Variants in MTMR2 observed in about 807,000 individuals in gnomAD.
MTMR2 encodes the protein phosphatidylinositol-3,5-bisphosphate 3-phosphatase MTMR2.
Under a neutral mutation model 86.9 loss-of-function variants are expected in MTMR2, and 55 were observed. The observed-to-expected ratio is 0.63, with a 90% CI of 0.51 to 0.79. The LOEUF (loss-of-function observed/expected upper bound fraction) is 0.79. Among genes scored for constraint, MTMR2 ranks in the 30% least tolerant of loss-of-function variants. The probability of loss-of-function intolerance (pLI) is 0.00; values close to 1 mark genes in which losing one functional copy is unlikely to be tolerated. For missense variants in MTMR2, 659 were observed against 772.3 expected, an observed-to-expected ratio of 0.85 and a Z score of 1.74; for synonymous variants, 241 against 266.8, an observed-to-expected ratio of 0.90 and a Z score of 0.94.
chr11:95,904,617 G>C (rs1866188615), intron 1 of MTMR2, among the ~76,000 whole-genome samples: 1 of 152,180 alleles, frequency 6.6e-6, no homozygotes, highest in Admixed American at 6.5e-5. Context: ...TGTCCTTACT[G>C]CTACACTCCC....
intron 2 of MTMR2, among the ~76,000 whole-genome samples, chr11:95,867,931 A>G (rs1308347732): frequency 6.6e-6 from 1 of 152,128 alleles, no homozygotes; most frequent in African/African-American, 2.4e-5. Context: ...TGTATAAGGT[A>G]CTTGGCACAC....
chr11:95,859,755 C>A (rs1401323475), intron 5 of MTMR2, among the ~76,000 whole-genome samples: 2 of 152,154 alleles, frequency 1.3e-5, no homozygotes, highest in Non-Finnish European at 1.5e-5. Flanking sequence ...TTCAAAATAG[C>A]TTTATTATGC....
intron 5 of MTMR2, among the ~76,000 whole-genome samples, chr11:95,859,936 C>T (rs1864347396): frequency 6.6e-6 from 1 of 152,178 alleles, no homozygotes; most frequent in South Asian, 2.1e-4. Flanking sequence ...ATCTTTATAA[C>T]TAGGTGAGAT....
intron 1 of MTMR2, among the ~76,000 whole-genome samples, chr11:95,895,580 A>AT (rs1230251514): frequency 1.3e-5 from 2 of 152,132 alleles, no homozygotes; most frequent in African/African-American, 4.8e-5. Flanking sequence ...CTATAATAAA[A>AT]TTTTTTTAAA....
At chr11:95,874,483 T>C (rs1380623706) in intron 2 of MTMR2, among the ~76,000 whole-genome samples, 2 of 152,178 alleles carry the variant, frequency 1.3e-5, no homozygotes, top group South Asian at 2.1e-4. Flanking sequence ...TGAGCCTATG[T>C]GTGTCTCTGC....
chr11:95,833,356 A>G lies in MTMR2; in HGVS notation c.*1934T>C, dbSNP rs525404. 0.28 allele frequency: 41,930 copies of G among 152,056 alleles called. 7,030 individuals carry two copies. The highest frequency in any genetic ancestry group is 0.38 in the Non-Finnish European group (25,807 of 67,936). 9.4% of individuals were successfully genotyped at this position (152,056 alleles called of 1,614,324 possible). ...ACACCTGCACAACCAATAGACATAC[A>G]AAGTTATGAAACATGTAACTGTCAA... On this transcript the variant is annotated 3_prime_UTR_variant, in exon 15 of 15. Coordinates refer to ENST00000346299, the MANE Select transcript of MTMR2 (RefSeq NM_016156.6).
chr11:95,849,954 T>C, intron 8 of MTMR2, 92 bp from the exon 9 acceptor site: 1 of 1,233,754 alleles, frequency 8.1e-7, no homozygotes, highest in Non-Finnish European at 1.2e-6. Flanking sequence ...GCTTTCTAAT[T>C]GGATCCAAAG....
chr11:95,914,267 T>C, intron 1 of MTMR2: 1 of 969,996 alleles, frequency 1.0e-6, no homozygotes, highest in Non-Finnish European at 1.2e-6. Flanking sequence ...ATGTTTTATC[T>C]TCACTTCTGA....
rs1864460072 is a variant in MTMR2 at position 95,862,384 on chromosome 11, CCA to C, written c.263-20_263-19del. The C allele has an allele frequency of 1.3e-6, 2 of 1,549,866 alleles. No individual in the cohort carries two copies. The highest frequency in any genetic ancestry group is 3.3e-5 in the Admixed American group (2 of 59,750). On this transcript the variant is annotated intron_variant, in intron 3 of 14. Transcript: ENST00000346299. ...ATCTTTGGCTGAAAAAGCAAGAAGTCCACAGTTTACTATACATTATGTGCTAT... is the reference window on the plus strand; with the variant it reads ...ATCTTTGGCTGAAAAAGCAAGAAGTCCAGTTTACTATACATTATGTGCTAT...
intron 12 of MTMR2, among the ~76,000 whole-genome samples, chr11:95,840,381 C>T (rs1189346872): frequency 6.6e-6 from 1 of 151,922 alleles, no homozygotes; most frequent in Admixed American, 6.6e-5. Flanking sequence ...TGTTTTGGGT[C>T]AAACATCCAA....
intron 6 of MTMR2, 100 bp from the exon 7 acceptor site, chr11:95,857,735 G>A: frequency 1.3e-6 from 1 of 755,404 alleles, no homozygotes; most frequent in Non-Finnish European, 2.3e-6. Context: ...TTATTTATCT[G>A]CAAGAACATT....
chr11:95,885,864 A>G (rs986922214), intron 2 of MTMR2, among the ~76,000 whole-genome samples: 1 of 152,134 alleles, frequency 6.6e-6, no homozygotes, highest in African/African-American at 2.4e-5. Context: ...ATCAGCAGTG[A>G]TAAGTCATGT....
chr11:95,904,740 G>C (rs553869), intron 1 of MTMR2, among the ~76,000 whole-genome samples: 91,503 of 152,132 alleles, frequency 0.6, 29,645 homozygotes, highest in African/African-American at 0.86. Flanking sequence ...TATGGAGTAG[G>C]TAGCTATTCT....
intron 7 of MTMR2, among the ~76,000 whole-genome samples, chr11:95,853,092 G>A (rs1372124220): frequency 1.3e-5 from 2 of 148,408 alleles, no homozygotes; most frequent in African/African-American, 2.5e-5. Flanking sequence ...TATAGCACGT[G>A]AAAAATATAT....
intron 1 of MTMR2, among the ~76,000 whole-genome samples, chr11:95,908,734 A>C (rs1383225368): frequency 6.6e-6 from 1 of 152,146 alleles, no homozygotes; most frequent in Admixed American, 6.6e-5. Context: ...AAATGCAAGC[A>C]TTGGGGAAAG....
chr11:95,896,338 C>T (rs1323752600), intron 1 of MTMR2, among the ~76,000 whole-genome samples: 9 of 149,938 alleles, frequency 6.0e-5, no homozygotes, highest in African/African-American at 2.2e-4. Context: ...TTTTTTGAGG[C>T]AGGGTCTTCC....
chr11:95,878,765 A>C (rs774283361), intron 2 of MTMR2, among the ~76,000 whole-genome samples: 1 of 152,162 alleles, frequency 6.6e-6, no homozygotes, highest in Non-Finnish European at 1.5e-5. Context: ...GCTATACTTC[A>C]GACAGTCCTT....
chr11:95,864,064 T>C (rs535412428), intron 3 of MTMR2, among the ~76,000 whole-genome samples: 29 of 152,232 alleles, frequency 1.9e-4, no homozygotes, highest in South Asian at 4.2e-4. Flanking sequence ...AAGAGTAAGT[T>C]TGGAGTTAAA....
At chr11:95,873,636 C>T (rs923054556) in intron 2 of MTMR2, among the ~76,000 whole-genome samples, 1 of 104,886 alleles carries the variant, frequency 9.5e-6, no homozygotes, top group African/African-American at 5.9e-5. Context: ...TTGCCTTCTG[C>T]TAGCTTTTGA....
Sources: gnomAD v4.1 joint callset for allele counts (sites outside exome capture counted in the v4.1 genomes callset) on GRCh38, gnomAD v4.1.1 for gene constraint, MANE v1.5 for transcripts, NCBI Gene and HGNC (gene_info 2026-07-23, HGNC 2026-07-21) for gene names.